Variants in NCALD observed in about 807,000 individuals in gnomAD.
The protein encoded by NCALD is neurocalcin delta.
Under a neutral mutation model 18.6 loss-of-function variants are expected in NCALD, and 10 were observed. The observed-to-expected ratio is 0.54, with a 90% CI of 0.33 to 0.91. NCALD has a LOEUF of 0.91. NCALD is among the 40% of genes least tolerant of loss of function. The pLI is 0.03. For synonymous variants in NCALD, 88 were observed against 87.4 expected (o/e 1.01, Z -0.04); for missense variants, 184 against 247.6 (o/e 0.74, Z 1.72).
At chr8:102,022,728 C>G (rs1314143497) in intron 1 of NCALD, among the ~76,000 whole-genome samples, 1 of 152,158 alleles carries the variant, frequency 6.6e-6, no homozygotes, top group Non-Finnish European at 1.5e-5. Flanking sequence ...GCAATACTTA[C>G]CACCCTTCCC....
chr8:102,044,593 A>G (rs1823173541), intron 1 of NCALD, among the ~76,000 whole-genome samples: 1 of 152,260 alleles, frequency 6.6e-6, no homozygotes, highest in South Asian at 2.1e-4. Flanking sequence ...GAATGCTAAG[A>G]TAACTTTCCA....
chr8:102,002,953 TC>T (rs1220467711), intron 2 of NCALD, among the ~76,000 whole-genome samples: 1 of 151,416 alleles, frequency 6.6e-6, no homozygotes, highest in African/African-American at 2.4e-5. Context: ...CACCCTAACA[TC>T]ACAATTAAAA....
chr8:102,067,475 A>C lies in NCALD; in HGVS notation c.-209-47186T>G, dbSNP rs1236775571. ...CACACACACACACACACACACACAA[A>C]ACTGTCCTTATATGACCTTGACATA... On this transcript the variant is annotated intron_variant, in intron 1 of 6. Coordinates refer to the NCALD transcript ENST00000311028. Among the ~76,000 whole-genome samples the C allele has an allele frequency of 2.0e-5, 3 of 151,562 alleles. No individual in the cohort carries two copies. In the East Asian group the frequency reaches 5.8e-4, roughly 29 times the overall value.
intron 1 of NCALD, among the ~76,000 whole-genome samples, chr8:102,081,958 G>C (rs1347539790): frequency 2.0e-5 from 3 of 152,218 alleles, no homozygotes; most frequent in East Asian, 1.9e-4. Flanking sequence ...GCTTTGCCTC[G>C]TAACAAACTC....
At chr8:101,819,261 AACT>A (rs1813621597) in intron 4 of NCALD, among the ~76,000 whole-genome samples, 1 of 110,242 alleles carries the variant, frequency 9.1e-6, no homozygotes, top group African/African-American at 3.4e-5. Flanking sequence ...ATAAATACAT[AACT>A]TTATTTATTT....
At chr8:102,123,796 G>C (rs896435240) in intron 1 of NCALD, 1 of 152,320 alleles carries the variant, frequency 6.6e-6, no homozygotes, top group African/African-American at 2.4e-5. Flanking sequence ...GCAGGCCCGG[G>C]ATCCAGCGGG....
intron 1 of NCALD, among the ~76,000 whole-genome samples, chr8:102,106,220 C>G (rs1259322472): frequency 6.6e-6 from 1 of 151,720 alleles, no homozygotes; most frequent in Admixed American, 6.6e-5. Flanking sequence ...CAGGTGTGCA[C>G]CAGCATGCCT....
At chr8:102,083,605 A>G (rs922511826) in intron 1 of NCALD, among the ~76,000 whole-genome samples, 2 of 152,208 alleles carry the variant, frequency 1.3e-5, no homozygotes, top group African/African-American at 2.4e-5. Context: ...AGAGCAGCCA[A>G]TTTTGCTCCA....
At chr8:101,953,228 T>A (rs986287007) in intron 2 of NCALD, among the ~76,000 whole-genome samples, 7 of 152,290 alleles carry the variant, frequency 4.6e-5, no homozygotes, top group African/African-American at 1.7e-4. Flanking sequence ...AGATGAAGAC[T>A]AGCCGCTGCT....
intron 3 of NCALD, among the ~76,000 whole-genome samples, chr8:101,899,402 T>C (rs1419256793): frequency 1.3e-5 from 2 of 152,014 alleles, no homozygotes; most frequent in African/African-American, 4.8e-5. Context: ...CTCTTCTCTA[T>C]TGCATGTCAA....
intron 2 of NCALD, among the ~76,000 whole-genome samples, chr8:101,951,527 G>A (rs1819422186): frequency 6.6e-6 from 1 of 152,126 alleles, no homozygotes; most frequent in South Asian, 2.1e-4. Context: ...GCCTCAGATG[G>A]GGCTTGATTT....
Position 101,712,753 on chromosome 8 carries a change from A to G in NCALD, c.378+6499T>C, listed in dbSNP as rs1043174909. On this transcript the variant is annotated intron_variant, in intron 2 of 3. Coordinates refer to ENST00000220931, the MANE Select transcript of NCALD (RefSeq NM_032041.3). ...GCTATACTAAATATATATGCACCCA[A>G]TACAGGAGCACCCAGATTCATAAAC... Among the ~76,000 whole-genome samples, 9 of 152,220 alleles carry G rather than the reference A, an allele frequency of 5.9e-5. No individual in the cohort carries two copies. In the East Asian group the frequency reaches 1.7e-3, roughly 29 times the overall value.
At chr8:101,879,184 G>A (rs369448207) in intron 4 of NCALD, among the ~76,000 whole-genome samples, 8 of 152,130 alleles carry the variant, frequency 5.3e-5, no homozygotes, top group Non-Finnish European at 7.3e-5. Context: ...TGGTGTGTCC[G>A]GAATTGGTGG....
At chr8:102,075,951 C>CAA (rs754804423) in intron 1 of NCALD, among the ~76,000 whole-genome samples, 7 of 121,400 alleles carry the variant, frequency 5.8e-5, no homozygotes, top group Admixed American at 8.3e-5. Flanking sequence ...GATTCTGTCT[C>CAA]AAAAAAAAAA....
intron 1 of NCALD, among the ~76,000 whole-genome samples, chr8:101,733,656 C>A (rs1389828000): frequency 1.3e-5 from 2 of 152,078 alleles, no homozygotes; most frequent in Non-Finnish European, 2.9e-5. Flanking sequence ...GGACATTCTC[C>A]CCATTGTTTT....
At chr8:101,968,438 A>C (rs1820114152) in intron 2 of NCALD, among the ~76,000 whole-genome samples, 1 of 152,220 alleles carries the variant, frequency 6.6e-6, no homozygotes, top group African/African-American at 2.4e-5. Context: ...GCTGGAGTTT[A>C]ATCATCTAGG....
intron 4 of NCALD, among the ~76,000 whole-genome samples, chr8:101,797,349 T>C (rs973198474): frequency 6.6e-6 from 1 of 151,706 alleles, no homozygotes; most frequent in African/African-American, 2.4e-5. Flanking sequence ...CTAAAGACAA[T>C]GCCAAAAATC....
chr8:102,086,823 C>A (rs545176377), intron 1 of NCALD, among the ~76,000 whole-genome samples: 5 of 152,130 alleles, frequency 3.3e-5, no homozygotes, highest in African/African-American at 9.7e-5. Flanking sequence ...AGATACAGGT[C>A]ATAAATATAT....
intron 4 of NCALD, among the ~76,000 whole-genome samples, chr8:101,819,758 T>A (rs1414083708): frequency 6.6e-6 from 1 of 152,118 alleles, no homozygotes; most frequent in East Asian, 1.9e-4. Context: ...TTCATATGAA[T>A]AACACTTAGC....
Sources: allele counts gnomAD v4.1 joint callset (sites outside exome capture counted in the v4.1 genomes callset), GRCh38; gene constraint gnomAD v4.1.1; transcripts MANE v1.5; gene names NCBI Gene and HGNC (gene_info 2026-07-23, HGNC 2026-07-21).